GRM5: variants seen among roughly 807,000 people sequenced by gnomAD.
GRM5 encodes the protein glutamate metabotropic receptor 5, also known as metabotropic glutamate receptor 5.
A neutral mutation model predicts 83.1 loss-of-function variants in GRM5; 19 were observed. The ratio of observed to expected loss-of-function variants is 0.23; its 90% confidence interval spans 0.16 to 0.34. The LOEUF (loss-of-function observed/expected upper bound fraction) is 0.34, where lower values mean the gene tolerates loss of function less well. Among genes scored for constraint, GRM5 ranks in the 10% least tolerant of loss-of-function variants. GRM5 has a pLI of 1.00. For missense variants in GRM5, 1,160 were observed against 1,588.3 expected, an observed-to-expected ratio of 0.73 and a Z score of 4.58; for synonymous variants, 675 against 633.6, an observed-to-expected ratio of 1.07 and a Z score of -0.98.
intron 2 of GRM5, among the ~76,000 whole-genome samples, chr11:89,015,250 T>C (rs575331344): frequency 6.6e-6 from 1 of 152,354 alleles, no homozygotes; most frequent in East Asian, 1.9e-4. Context: ...TTATAAACTA[T>C]GAATTCTCAT....
intron 4 of GRM5, among the ~76,000 whole-genome samples, chr11:88,641,419 A>T (rs1452951150): frequency 2.6e-5 from 4 of 152,008 alleles, no homozygotes; most frequent in Admixed American, 2.6e-4. Context: ...CTCAAATCTC[A>T]TATTCTCACA....
chr11:89,036,277 G>T (rs1265580567), intron 2 of GRM5, among the ~76,000 whole-genome samples: 1 of 151,994 alleles, frequency 6.6e-6, no homozygotes, highest in Non-Finnish European at 1.5e-5. Context: ...AAAGCAATAA[G>T]CACCCTACCT....
At chr11:88,653,710 G>C (rs545628361) in intron 3 of GRM5, among the ~76,000 whole-genome samples, 1 of 152,090 alleles carries the variant, frequency 6.6e-6, no homozygotes, top group East Asian at 1.9e-4. Context: ...CATGGAAGCT[G>C]CATAATATCA....
At chr11:88,983,528 T>C (rs899324211) in intron 2 of GRM5, among the ~76,000 whole-genome samples, 6 of 152,226 alleles carry the variant, frequency 3.9e-5, no homozygotes, top group Non-Finnish European at 7.3e-5. Context: ...GTGATGCTGG[T>C]GTACAAACCT....
intron 2 of GRM5, among the ~76,000 whole-genome samples, chr11:88,926,530 T>G (rs115325585): frequency 6.6e-6 from 1 of 152,174 alleles, no homozygotes; most frequent in African/African-American, 2.4e-5. Flanking sequence ...AGTCTTTATC[T>G]CTTCACATAT....
intron 3 of GRM5, among the ~76,000 whole-genome samples, chr11:88,833,436 T>C (rs562398336): frequency 6.6e-6 from 1 of 152,058 alleles, no homozygotes; most frequent in South Asian, 2.1e-4. Flanking sequence ...CAGTGAGGTA[T>C]CATCACCCCA....
intron 2 of GRM5, among the ~76,000 whole-genome samples, chr11:89,011,955 CAA>C (rs1237958433): frequency 1.3e-5 from 2 of 152,164 alleles, no homozygotes; most frequent in Non-Finnish European, 1.5e-5. Context: ...GATTTGACCT[CAA>C]ATTACCTTGA....
At chr11:88,999,138 G>A (rs1349277605) in intron 2 of GRM5, among the ~76,000 whole-genome samples, 1 of 152,132 alleles carries the variant, frequency 6.6e-6, no homozygotes, top group Non-Finnish European at 1.5e-5. Context: ...CAAAACCCTA[G>A]AAGAAAACCT....
intron 4 of GRM5, among the ~76,000 whole-genome samples, chr11:88,652,634 G>C (rs1339648656): frequency 3.3e-5 from 5 of 152,058 alleles, no homozygotes; most frequent in African/African-American, 1.2e-4. Context: ...TTGAATGCTT[G>C]AATGAATGGC....
chr11:88,790,345 T>C (rs1943150245), intron 3 of GRM5, among the ~76,000 whole-genome samples: 1 of 152,234 alleles, frequency 6.6e-6, no homozygotes, highest in Non-Finnish European at 1.5e-5. Flanking sequence ...CCATCAAACT[T>C]TGACTTGAGT....
intron 3 of GRM5, among the ~76,000 whole-genome samples, chr11:88,659,921 T>C (rs1939861463): frequency 6.6e-6 from 1 of 152,236 alleles, no homozygotes. Context: ...ATATATGTTA[T>C]AAGTTATTGC....
intron 3 of GRM5, among the ~76,000 whole-genome samples, chr11:88,814,344 A>T (rs191833167): frequency 1.5e-3 from 222 of 152,268 alleles, no homozygotes; most frequent in African/African-American, 5.0e-3. Context: ...CAATCCACAG[A>T]GGGCCTTTTT....
chr11:88,691,769 T>G (rs955389072), intron 3 of GRM5, among the ~76,000 whole-genome samples: 5 of 152,252 alleles, frequency 3.3e-5, no homozygotes, highest in Non-Finnish European at 7.3e-5. Context: ...TAATCAGGAT[T>G]CTGTTCTGTT....
At chr11:88,647,779 T>G (rs573270168) in intron 4 of GRM5, among the ~76,000 whole-genome samples, 14 of 152,152 alleles carry the variant, frequency 9.2e-5, no homozygotes, top group African/African-American at 2.9e-4. Context: ...ATATCCAGAA[T>G]CTACAATGAA....
intron 8 of GRM5, among the ~76,000 whole-genome samples, chr11:88,535,773 C>T (rs560778945): frequency 6.6e-6 from 1 of 152,156 alleles, no homozygotes; most frequent in South Asian, 2.1e-4. Context: ...TGTGTGTACA[C>T]ATGTGTGTGA....
chr11:88,936,977 G>C (rs1400432221), intron 2 of GRM5, among the ~76,000 whole-genome samples: 1 of 151,774 alleles, frequency 6.6e-6, no homozygotes, highest in African/African-American at 2.4e-5. Context: ...GGAAAGATTA[G>C]AAGCTGGAAG....
intron 3 of GRM5, among the ~76,000 whole-genome samples, chr11:88,675,742 T>C (rs1464339937): frequency 1.3e-5 from 2 of 152,004 alleles, no homozygotes; most frequent in Admixed American, 1.3e-4. Context: ...CACGTCATCC[T>C]AACCCAAAAC....
At chr11:88,549,384 G>A (rs1002892654) in intron 8 of GRM5, among the ~76,000 whole-genome samples, 3 of 151,682 alleles carry the variant, frequency 2.0e-5, no homozygotes, top group African/African-American at 2.4e-5. Context: ...CCCAGGCCAT[G>A]GACGTTGCTT....
intron 9 of GRM5, among the ~76,000 whole-genome samples, chr11:88,517,216 T>C (rs1223593282): frequency 1.3e-5 from 2 of 152,192 alleles, no homozygotes; most frequent in Admixed American, 6.6e-5. Context: ...TCTGTGCATA[T>C]GTGTTGTCAT....
Sources: gnomAD v4.1 joint callset for allele counts (sites outside exome capture counted in the v4.1 genomes callset) on GRCh38, gnomAD v4.1.1 for gene constraint, MANE v1.5 for transcripts, NCBI Gene and HGNC (gene_info 2026-07-23, HGNC 2026-07-21) for gene names.